The following GRIP1 variants were observed in gnomAD, a reference collection of about 807,000 sequenced individuals.
The protein encoded by GRIP1 is glutamate receptor interacting protein 1, also known as glutamate receptor-interacting protein 1.
In GRIP1, 45 loss-of-function variants were observed where a neutral mutation model predicts 129.9. The observed-to-expected ratio is 0.35, with a 90% CI of 0.27 to 0.44. The LOEUF (loss-of-function observed/expected upper bound fraction) is 0.44. Ranked by LOEUF, GRIP1 falls within the 20% of genes least tolerant of loss-of-function variation. The pLI is 1.00. For missense variants in GRIP1, 1,196 were observed against 1,396.8 expected, an observed-to-expected ratio of 0.86 and a Z score of 2.29; for synonymous variants, 530 against 520.8, an observed-to-expected ratio of 1.02 and a Z score of -0.24.
At chr12:66,999,705 G>A (rs781716752) in intron 1 of GRIP1, among the ~76,000 whole-genome samples, 2 of 152,012 alleles carry the variant, frequency 1.3e-5, no homozygotes, top group Non-Finnish European at 2.9e-5. Flanking sequence ...ACAAGGAGAA[G>A]CCTAAAAATG....
intron 1 of GRIP1, among the ~76,000 whole-genome samples, chr12:66,920,725 T>C (rs1418663706): frequency 6.6e-6 from 1 of 152,194 alleles, no homozygotes; most frequent in East Asian, 1.9e-4. Flanking sequence ...CTTAAAACTT[T>C]ATCATCTTGG....
intron 1 of GRIP1, among the ~76,000 whole-genome samples, chr12:66,600,281 CTA>C (rs2064222213): frequency 6.6e-6 from 1 of 152,072 alleles, no homozygotes; most frequent in Non-Finnish European, 1.5e-5. Context: ...ATTATAAGAT[CTA>C]TGTTAATAAT....
intron 1 of GRIP1, among the ~76,000 whole-genome samples, chr12:66,814,640 G>A (rs1040072077): frequency 6.7e-6 from 1 of 150,026 alleles, no homozygotes; most frequent in Non-Finnish European, 1.5e-5. Flanking sequence ...CTTACATTCT[G>A]GGGGGAGAAT....
intron 1 of GRIP1, among the ~76,000 whole-genome samples, chr12:66,788,491 A>C (rs1566022771): frequency 6.6e-6 from 1 of 151,990 alleles, no homozygotes; most frequent in African/African-American, 2.4e-5. Context: ...GACTGGACCT[A>C]ATGACTCTCT....
chr12:66,525,797 A>C (rs2061212195), intron 5 of GRIP1, among the ~76,000 whole-genome samples: 1 of 152,168 alleles, frequency 6.6e-6, no homozygotes, highest in Non-Finnish European at 1.5e-5. Context: ...GTCTCAGCCC[A>C]AAATCTCCTT....
intron 1 of GRIP1, among the ~76,000 whole-genome samples, chr12:66,740,102 T>C (rs1169784403): frequency 6.6e-6 from 1 of 152,170 alleles, no homozygotes; most frequent in Non-Finnish European, 1.5e-5. Flanking sequence ...GAGCCTCAGA[T>C]AGAGCTGTGC....
chr12:66,478,602 A>G, intron 7 of GRIP1, among the ~76,000 whole-genome samples: 1 of 152,328 alleles, frequency 6.6e-6, no homozygotes. Flanking sequence ...GGCAGTACTC[A>G]CAATAGCAAA....
chr12:66,851,646 C>T (rs1429381183), intron 1 of GRIP1, among the ~76,000 whole-genome samples: 1 of 152,024 alleles, frequency 6.6e-6, no homozygotes, highest in Non-Finnish European at 1.5e-5. Flanking sequence ...TCAGTTTCTC[C>T]ATTTTACAAA....
At chr12:66,975,301 T>G (rs2042135249) in intron 1 of GRIP1, among the ~76,000 whole-genome samples, 1 of 152,224 alleles carries the variant, frequency 6.6e-6, no homozygotes. Flanking sequence ...TAGAAAATTC[T>G]TCCAATCATC....
intron 16 of GRIP1, among the ~76,000 whole-genome samples, chr12:66,402,461 G>C (rs1226256526): frequency 1.3e-5 from 2 of 152,186 alleles, no homozygotes; most frequent in Non-Finnish European, 2.9e-5. Context: ...CTTGGGTAAG[G>C]TACACAGCAG....
intron 2 of GRIP1, among the ~76,000 whole-genome samples, chr12:66,595,981 C>T (rs11176306): frequency 0.072 from 10,977 of 152,282 alleles, 487 homozygotes; most frequent in East Asian, 0.12. Context: ...GGAAACACCA[C>T]TTTGTTTCTC....
intron 1 of GRIP1, among the ~76,000 whole-genome samples, chr12:66,834,027 A>C (rs995506366): frequency 4.6e-5 from 7 of 151,786 alleles, no homozygotes; most frequent in African/African-American, 1.7e-4. Flanking sequence ...AATACAGAAA[A>C]ATTACCTGGG....
At chr12:66,535,863 T>C (rs1392982967) in intron 4 of GRIP1, among the ~76,000 whole-genome samples, 1 of 152,164 alleles carries the variant, frequency 6.6e-6, no homozygotes, top group Non-Finnish European at 1.5e-5. Context: ...ATATTTACAG[T>C]ACAGATCTTT....
At chr12:66,646,364 C>A (rs2032365431) in intron 1 of GRIP1, among the ~76,000 whole-genome samples, 1 of 152,182 alleles carries the variant, frequency 6.6e-6, no homozygotes, top group Non-Finnish European at 1.5e-5. Flanking sequence ...TGGCTCACGG[C>A]TGTAATCCTA....
At chr12:66,429,466 G>A (rs772192992) in intron 14 of GRIP1, among the ~76,000 whole-genome samples, 1 of 152,144 alleles carries the variant, frequency 6.6e-6, no homozygotes, top group African/African-American at 2.4e-5. Flanking sequence ...AGAGGCTGAG[G>A]CAGGAAAATC....
chr12:66,830,106 A>G (rs562303203), intron 1 of GRIP1, among the ~76,000 whole-genome samples: 59 of 152,332 alleles, frequency 3.9e-4, no homozygotes, highest in Non-Finnish European at 6.3e-4. Context: ...CTTGGCCCTT[A>G]TAACACATCA....
chr12:67,054,303 A>G (rs917180298), intron 1 of GRIP1, among the ~76,000 whole-genome samples: 1 of 152,354 alleles, frequency 6.6e-6, no homozygotes, highest in East Asian at 1.9e-4. Flanking sequence ...AGCACCTACT[A>G]TGAGCCAAGC....
At chr12:66,869,786 G>C (rs2040265569) in intron 1 of GRIP1, among the ~76,000 whole-genome samples, 1 of 152,096 alleles carries the variant, frequency 6.6e-6, no homozygotes, top group African/African-American at 2.4e-5. Context: ...AAAGATACAA[G>C]ACAAAAACTT....
chr12:66,476,617 C>A (rs1040087059), intron 7 of GRIP1, among the ~76,000 whole-genome samples: 5 of 152,010 alleles, frequency 3.3e-5, no homozygotes, highest in Non-Finnish European at 7.4e-5. Flanking sequence ...ACATCGATGC[C>A]AAAATCCTCA....
Sources: allele counts gnomAD v4.1 joint callset (sites outside exome capture counted in the v4.1 genomes callset), GRCh38; gene constraint gnomAD v4.1.1; transcripts MANE v1.5; gene names NCBI Gene and HGNC (gene_info 2026-07-23, HGNC 2026-07-21).